Variants in CCDC88A observed in about 807,000 individuals in gnomAD.
CCDC88A encodes the protein coiled-coil and HOOK domain protein 88A, also known as girdin.
Under a neutral mutation model 234.3 loss-of-function variants are expected in CCDC88A, and 54 were observed. That is an observed-to-expected ratio of 0.23 (90% confidence interval 0.19 to 0.29). CCDC88A has a LOEUF of 0.29. Ranked by LOEUF, CCDC88A falls within the 10% of genes least tolerant of loss-of-function variation. The pLI is 1.00. For synonymous variants in CCDC88A, 753 were observed against 737.8 expected (o/e 1.02, Z -0.33); for missense variants, 1,832 against 2,123.4 (o/e 0.86, Z 2.70).
rs1192038137 is a variant in CCDC88A at position 55,317,222 on chromosome 2, A to G, written c.3730T>C (p.Cys1244Arg). The change falls in exon 21 of 33, where the codon TGT becomes CGT. Residue 1244 changes from cysteine to arginine, a missense_variant. Cys to Arg is a radical substitution (Grantham distance 180, BLOSUM62 -3). This residue lies in a region of CCDC88A where 1,282 missense variants were observed against 1,543.6 expected (regional missense o/e 0.83). Coordinates refer to ENST00000436346, the MANE Select transcript of CCDC88A (RefSeq NM_001365480.1). The surrounding 1 kb of genome is among the most constrained non-coding windows in gnomAD (Gnocchi z 4.2). Reference sequence around the variant, plus strand: ...ATTTATTACCTATCATTTTCACCACAAAGTTTCTTGTATTCTGCAGCTACT... The same window carrying G: ...ATTTATTACCTATCATTTTCACCACGAAGTTTCTTGTATTCTGCAGCTACT... ...ETVAAEYKKL[C>R]GENDRLNHTY... is the part of the protein sequence containing the mutation. The G allele has an allele frequency of 1.3e-6, 2 of 1,498,912 alleles. No homozygotes were observed. The highest frequency in any genetic ancestry group is 2.8e-5 in the African/African-American group (2 of 71,880). The allele number at this position is 1,498,912 out of a possible 1,614,324, so 92.9% of individuals were successfully genotyped here.
intron 29 of CCDC88A, among the ~76,000 whole-genome samples, chr2:55,298,873 CAA>C (rs70949101): frequency 0.68 from 64,936 of 95,214 alleles, 22,373 homozygotes; most frequent in East Asian, 0.88. Context: ...GAACCCGTCT[CAA>C]AAAAAAAAAA....
In CCDC88A at chr2:55,418,621, T is replaced by C. The variant is rs898527187; in HGVS notation, c.164+195A>G. The C allele has an allele frequency of 2.4e-5, 14 of 579,398 alleles. No homozygotes were observed. In the East Asian group the frequency reaches 3.9e-4, roughly 16 times the overall value. The allele number at this position is 579,398 out of a possible 1,614,324, so 35.9% of individuals were successfully genotyped here. A position where few individuals can be genotyped will look rare whatever the true frequency, so the allele number is the denominator to read the frequency against. On this transcript the variant is annotated intron_variant, in intron 2 of 32. Coordinates refer to ENST00000436346, the MANE Select transcript of CCDC88A (RefSeq NM_001365480.1). ...ATGAAAAACTAAAGTTTCACAATTT[T>C]AACAGGTAAAATATCTAGGTTGTGA...
chr2:55,368,957 G>A (rs1672408473), intron 5 of CCDC88A, among the ~76,000 whole-genome samples: 1 of 152,120 alleles, frequency 6.6e-6, no homozygotes, highest in African/African-American at 2.4e-5. Flanking sequence ...TGTTTATATG[G>A]TCACAGCTGA....
intron 12 of CCDC88A, among the ~76,000 whole-genome samples, chr2:55,341,594 G>A (rs866298427): frequency 2.5e-4 from 38 of 151,306 alleles, no homozygotes; most frequent in African/African-American, 7.3e-4. Flanking sequence ...ACAGGTGTGC[G>A]CCACCATGCC....
chr2:55,385,665 C>T (rs1675458294), intron 3 of CCDC88A, among the ~76,000 whole-genome samples: 1 of 151,522 alleles, frequency 6.6e-6, no homozygotes, highest in Admixed American at 6.6e-5. Flanking sequence ...CAAGCCTGGC[C>T]AACATGGTGA....
At chr2:55,398,355 T>C (rs1261658500) in intron 2 of CCDC88A, among the ~76,000 whole-genome samples, 1 of 152,222 alleles carries the variant, frequency 6.6e-6, no homozygotes, top group Non-Finnish European at 1.5e-5. Context: ...TATTTCTTTA[T>C]AATCATCAGA....
intron 3 of CCDC88A, among the ~76,000 whole-genome samples, chr2:55,384,560 C>CATATATACGTATGTGTATATAT: frequency 5.3e-5 from 1 of 19,040 alleles, no homozygotes; most frequent in Non-Finnish European, 9.2e-5. Context: ...TGTATATATA[C>CATATATACGTATGTGTATATAT]ACATATATAC....
chr2:55,340,985 C>A (rs1668398525), intron 12 of CCDC88A, among the ~76,000 whole-genome samples: 1 of 152,098 alleles, frequency 6.6e-6, no homozygotes, highest in Non-Finnish European at 1.5e-5. Flanking sequence ...CCTCTGGTAA[C>A]AACCATTTTA....
chr2:55,318,831 T>C lies in CCDC88A; in HGVS notation c.3324+12A>G. On this transcript the variant is annotated intron_variant, in intron 19 of 32. Coordinates refer to ENST00000436346, the MANE Select transcript of CCDC88A (RefSeq NM_001365480.1). ...AGTTTGGTTGCATATTCCCAAAATA[T>C]TATATTACAACCTGAAGCTTGGCAT... is the stretch of plus-strand genomic sequence containing the variant. 6.4e-7 allele frequency: 1 copy of C among 1,566,822 alleles called. No homozygotes were observed. Among genetic ancestry groups the C allele is most frequent in the Non-Finnish European group, 8.7e-7 (1 of 1,150,266 alleles).
intron 6 of CCDC88A, 168 bp downstream of exon 6, chr2:55,363,782 G>C (rs1336481370): frequency 2.0e-6 from 1 of 495,636 alleles, no homozygotes; most frequent in Admixed American, 3.9e-5. Flanking sequence ...TGTGCCAAGT[G>C]TAAGAAACTA....
intron 8 of CCDC88A, chr2:55,350,644 ATAT>A (rs1284214698): frequency 1.3e-5 from 2 of 149,132 alleles, no homozygotes; most frequent in East Asian, 3.9e-4. Flanking sequence ...TATTTAAAAT[ATAT>A]TATTAAAATA....
intron 32 of CCDC88A, 118 bp downstream of exon 32, chr2:55,291,558 A>G (rs1474797915): frequency 2.9e-5 from 13 of 450,396 alleles, no homozygotes; most frequent in Non-Finnish European, 4.4e-5. Flanking sequence ...CAGAAAGTCA[A>G]TGAATTAAGC....
chr2:55,393,863 T>C (rs979717378), intron 2 of CCDC88A, among the ~76,000 whole-genome samples: 5 of 152,244 alleles, frequency 3.3e-5, no homozygotes, highest in African/African-American at 1.2e-4. Flanking sequence ...TGATGTCTGC[T>C]GTAATTTTCT....
chr2:55,317,281 T>C lies in CCDC88A; in HGVS notation c.3671A>G (p.Glu1224Gly). 6.4e-7 allele frequency: 1 copy of C among 1,560,494 alleles called. No homozygotes were observed. Among genetic ancestry groups the C allele is most frequent in the Non-Finnish European group, 8.7e-7 (1 of 1,149,748 alleles). The change falls in exon 21 of 33, where the codon GAA becomes GGA. Residue 1224 changes from glutamate (E) to glycine (G), a missense_variant. Physicochemically the swap from Glu to Gly is moderately conservative, Grantham distance 98 (BLOSUM62 -2). Transcript: ENST00000436346. The surrounding 1 kb of genome is among the most constrained non-coding windows in gnomAD (Gnocchi z 4.2). ...ATTTTTATTTTCAAGCAGCATTTTTTCCTGTTCTACTTTGAGCATTTTTTC... is the reference window on the plus strand; with the variant it reads ...ATTTTTATTTTCAAGCAGCATTTTTCCCTGTTCTACTTTGAGCATTTTTTC... The part of the protein sequence containing the change: ...DLEKMLKVEQ[E>G]KMLLENKNHE...
intron 8 of CCDC88A, 65 bp downstream of exon 8, chr2:55,355,511 TAAA>T: frequency 7.4e-7 from 1 of 1,347,104 alleles, no homozygotes; most frequent in Non-Finnish European, 1.1e-6. Flanking sequence ...TCCATAAGCT[TAAA>T]AATATTGTTT....
At chr2:55,373,362 A>T (rs950355499) in intron 4 of CCDC88A, among the ~76,000 whole-genome samples, 19 of 151,978 alleles carry the variant, frequency 1.3e-4, no homozygotes. Context: ...CAACCTCCTC[A>T]TCCCCCTAGT....
chr2:55,302,263 A>G (rs1287414477), intron 26 of CCDC88A, among the ~76,000 whole-genome samples, 191 bp from the exon 27 acceptor site: 1 of 152,206 alleles, frequency 6.6e-6, no homozygotes, highest in Non-Finnish European at 1.5e-5. Context: ...AGGCTGATAA[A>G]TTTCAATAAA....
intron 7 of CCDC88A, chr2:55,356,562 G>C (rs1192417086): frequency 6.6e-6 from 1 of 151,902 alleles, no homozygotes; most frequent in East Asian, 1.9e-4. Flanking sequence ...AAAGTGATTT[G>C]GCCAGAACTA....
At chr2:55,371,632 C>T (rs1305695893) in intron 5 of CCDC88A, among the ~76,000 whole-genome samples, 3 of 152,152 alleles carry the variant, frequency 2.0e-5, no homozygotes, top group African/African-American at 7.2e-5. Context: ...CCAGTTTACA[C>T]ATGCCATTCC....
Sources: gnomAD v4.1 joint callset for allele counts (sites outside exome capture counted in the v4.1 genomes callset) on GRCh38, gnomAD v4.1.1 for gene constraint, gnomAD v4.1.1 regional missense constraint, Gnocchi (gnomAD v3.1) non-coding constraint, MANE v1.5 for transcripts, NCBI Gene and HGNC (gene_info 2026-07-23, HGNC 2026-07-21) for gene names.